The following CA8 variants were observed in gnomAD, a reference collection of about 807,000 sequenced individuals.
The protein encoded by CA8 is carbonic anhydrase-related protein.
A neutral mutation model predicts 41.4 loss-of-function variants in CA8; 22 were observed. The observed-to-expected ratio is 0.53, with a 90% CI of 0.38 to 0.76. CA8 has a LOEUF of 0.76. Ranked by LOEUF, CA8 falls within the 30% of genes least tolerant of loss-of-function variation. The probability of loss-of-function intolerance (pLI) is 0.00; values close to 1 mark genes in which losing one functional copy is unlikely to be tolerated. For missense variants in CA8, 270 were observed against 352.8 expected, an observed-to-expected ratio of 0.77 and a Z score of 1.88; for synonymous variants, 121 against 130.6, an observed-to-expected ratio of 0.93 and a Z score of 0.50.
intron 1 of CA8, among the ~76,000 whole-genome samples, chr8:60,280,591 A>G (rs6998446): frequency 0.6 from 91,772 of 152,120 alleles, 28,750 homozygotes; most frequent in African/African-American, 0.79. Flanking sequence ...AGACTTGAGC[A>G]TTGCTAGCAG....
chr8:60,272,551 A>G (rs1259363561), intron 2 of CA8, among the ~76,000 whole-genome samples: 4 of 152,132 alleles, frequency 2.6e-5, no homozygotes, highest in Admixed American at 1.3e-4. Context: ...TACAACCTCT[A>G]GAACTTTCCA....
intron 2 of CA8, among the ~76,000 whole-genome samples, chr8:60,274,459 T>C (rs7843385): frequency 0.44 from 67,325 of 152,030 alleles, 15,461 homozygotes; most frequent in African/African-American, 0.57. Flanking sequence ...AAGAGGCAGG[T>C]AATTCCTACC....
intron 7 of CA8, among the ~76,000 whole-genome samples, chr8:60,219,009 G>T (rs970343353): frequency 2.6e-5 from 4 of 151,810 alleles, no homozygotes; most frequent in Non-Finnish European, 5.9e-5. Flanking sequence ...ATTGCACGGG[G>T]TCCTACCAGT....
At position 60,185,688 on chromosome 8, in the gene CA8, T is replaced by C. The variant is rs567213612; in HGVS notation, c.*4333A>G. ...AGAAACAGAAACTTTTCACCAGGAGTTTTATATTTAGCAAAACTATCTCAA... is the reference window on the plus strand; with the variant it reads ...AGAAACAGAAACTTTTCACCAGGAGCTTTATATTTAGCAAAACTATCTCAA... On this transcript the variant is annotated 3_prime_UTR_variant, in exon 9 of 9. Transcript: ENST00000317995. 1.3e-5 allele frequency among the ~76,000 whole-genome samples: 2 copies of C among 150,802 alleles called. No individual in the cohort carries two copies. The highest frequency in any genetic ancestry group is 3.0e-5 in the Non-Finnish European group (2 of 67,606).
At chr8:60,265,743 G>GT in intron 3 of CA8, 182 bp downstream of exon 3, 1 of 647,896 alleles carries the variant, frequency 1.5e-6, no homozygotes, top group South Asian at 1.9e-5. Context: ...AGCCACGAGA[G>GT]TAGACAGGAG....
At chr8:60,254,108 C>CT (rs2130558542) in intron 3 of CA8, among the ~76,000 whole-genome samples, 1 of 152,330 alleles carries the variant, frequency 6.6e-6, no homozygotes, top group South Asian at 2.1e-4. Context: ...TCACATGTTT[C>CT]TGTCTTACTT....
chr8:60,221,483 T>C (rs191147168), intron 7 of CA8, among the ~76,000 whole-genome samples: 278 of 152,320 alleles, frequency 1.8e-3, no homozygotes, highest in African/African-American at 6.5e-3. Context: ...CAGTGATAAG[T>C]GAGTATTGGC....
In CA8 at chr8:60,264,220, T is replaced by C. The variant is rs562492798; in HGVS notation, c.417+1705A>G. ...TCGCTAATTACGTTTCCTACAGCTTTTAAGTTCTGCATGTCACAAGCAAAG... is the reference window on the plus strand; with the variant it reads ...TCGCTAATTACGTTTCCTACAGCTTCTAAGTTCTGCATGTCACAAGCAAAG... On this transcript the variant is annotated intron_variant, in intron 3 of 8. Coordinates refer to ENST00000317995, the MANE Select transcript of CA8 (RefSeq NM_004056.6). Among the ~76,000 whole-genome samples, 16 of 152,344 alleles carry C rather than the reference T, an allele frequency of 1.1e-4. 1 individual carries two copies. In the South Asian group the frequency reaches 3.1e-3, roughly 30 times the overall value.
In CA8 at chr8:60,281,060, C is replaced by G. The variant is rs147962541; in HGVS notation, c.88G>C (p.Gly30Arg). The G allele has an allele frequency of 2.5e-6, 4 of 1,610,758 alleles. No homozygotes were observed. The African/African-American group carries it at 4.0e-5, about 16-fold the overall frequency. Residue 30 changes from glycine to arginine, a missense_variant, in exon 1 of 9, where the codon GGC becomes CGC. Around this residue, in one of 3 missense-constraint regions of CA8, gnomAD observed 123 missense variants for 136.8 expected, o/e 0.90. Transcript: ENST00000317995. ...CGCGGCCACTTACCTTCCTCGTAGC[C>G]CCACTCCACACCCTCCTCTTCTTCC... is the stretch of plus-strand genomic sequence containing the variant. ...EEEEEEGVEW[G>R]YEEGVEWGLV...
At chr8:60,191,516 G>A (rs1563516091) in intron 8 of CA8, among the ~76,000 whole-genome samples, 1 of 152,034 alleles carries the variant, frequency 6.6e-6, no homozygotes, top group African/African-American at 2.4e-5. Context: ...GTTAAAATAT[G>A]GTTCTTTAAT....
chr8:60,256,761 A>G (rs191519690), intron 3 of CA8, among the ~76,000 whole-genome samples: 1 of 152,324 alleles, frequency 6.6e-6, no homozygotes, highest in African/African-American at 2.4e-5. Context: ...GATAAAACAA[A>G]TTTTACTGTA....
At chr8:60,209,094 T>C (rs1314381419) in intron 7 of CA8, among the ~76,000 whole-genome samples, 175 bp from the exon 8 acceptor site, 2 of 150,956 alleles carry the variant, frequency 1.3e-5, no homozygotes, top group African/African-American at 5.0e-5. Context: ...ACCTAAGACG[T>C]TAGAGAGGAC....
chr8:60,204,510 C>A (rs1036580525), intron 8 of CA8, among the ~76,000 whole-genome samples: 5 of 152,218 alleles, frequency 3.3e-5, no homozygotes, highest in African/African-American at 9.6e-5. Flanking sequence ...GAATTATTTT[C>A]TTTGTTTAGT....
At chr8:60,272,197 C>T (rs1056403855) in intron 2 of CA8, among the ~76,000 whole-genome samples, 1 of 152,138 alleles carries the variant, frequency 6.6e-6, no homozygotes, top group Non-Finnish European at 1.5e-5. Flanking sequence ...CCATGACATT[C>T]TGTAGATTGC....
In CA8 at chr8:60,193,455, T is replaced by C. The variant is rs994421355; in HGVS notation, c.*36-3470A>G. ...TGGATCCCACATCTTTTTCCTTAGC[T>C]TACTCCATTTTGGTGTGGCAATATC... is the stretch of plus-strand genomic sequence containing the variant. On this transcript the variant is annotated intron_variant, in intron 8 of 8. Transcript: ENST00000317995. Among the ~76,000 whole-genome samples, 4 of 152,196 alleles carry C rather than the reference T, an allele frequency of 2.6e-5. No individual in the cohort carries two copies. In the East Asian group the frequency reaches 5.8e-4, roughly 22 times the overall value.
At chr8:60,194,866 C>A (rs536154026) in intron 8 of CA8, among the ~76,000 whole-genome samples, 4 of 152,260 alleles carry the variant, frequency 2.6e-5, no homozygotes, top group East Asian at 1.9e-4. Flanking sequence ...AAAAAAATCT[C>A]TTTCCTGTTA....
chr8:60,234,054 GGTCAACATCAACAGTGATTA>G (rs1209431633), intron 3 of CA8, among the ~76,000 whole-genome samples: 1 of 152,156 alleles, frequency 6.6e-6, no homozygotes, highest in Non-Finnish European at 1.5e-5. Flanking sequence ...ATCTGATCAA[GGTCAACATCAACAGTGATTA>G]GTCATGTTGA....
At chr8:60,275,804 A>G (rs1231763536) in intron 2 of CA8, among the ~76,000 whole-genome samples, 1 of 152,204 alleles carries the variant, frequency 6.6e-6, no homozygotes, top group Non-Finnish European at 1.5e-5. Context: ...TCAAAACAAC[A>G]GTAGTAAAGA....
At chr8:60,217,669 G>C (rs1459138728) in intron 7 of CA8, among the ~76,000 whole-genome samples, 6 of 152,100 alleles carry the variant, frequency 3.9e-5, no homozygotes, top group Non-Finnish European at 8.8e-5. Flanking sequence ...TCTTCTCCAT[G>C]AAGGCTGCTC....
Sources: allele counts gnomAD v4.1 joint callset (sites outside exome capture counted in the v4.1 genomes callset), GRCh38; gene constraint gnomAD v4.1.1; regional missense constraint gnomAD v4.1.1; transcripts MANE v1.5; gene names NCBI Gene and HGNC (gene_info 2026-07-23, HGNC 2026-07-21).